The following WWOX variants were observed in gnomAD, a reference collection of about 807,000 sequenced individuals.
WWOX encodes WW domain-containing oxidoreductase.
A neutral mutation model predicts 46.2 loss-of-function variants in WWOX; 69 were observed. That is an observed-to-expected ratio of 1.49 (90% CI 1.23 to 1.82). WWOX has a LOEUF of 1.82. Ranked by LOEUF, WWOX falls within the 40% of genes most tolerant of loss-of-function variation. The pLI is 0.00. For missense variants in WWOX, 919 were observed against 542.6 expected (o/e 1.69, Z -6.89); for synonymous variants, 359 against 202.6 (o/e 1.77, Z -6.56).
chr16:78,719,725 A>T (rs1395770259), intron 8 of WWOX, among the ~76,000 whole-genome samples: 1 of 152,226 alleles, frequency 6.6e-6, no homozygotes, highest in Non-Finnish European at 1.5e-5. Context: ...TAATTTACCA[A>T]ATGGAAAATA....
intron 5 of WWOX, among the ~76,000 whole-genome samples, chr16:78,316,411 G>C (rs1389749447): frequency 1.3e-5 from 2 of 152,074 alleles, no homozygotes; most frequent in Non-Finnish European, 2.9e-5. Flanking sequence ...CGTGATCTTG[G>C]CTCACTGCAA....
intron 8 of WWOX, among the ~76,000 whole-genome samples, chr16:78,930,327 G>T (rs1389084860): frequency 7.3e-6 from 1 of 136,954 alleles, no homozygotes; most frequent in Non-Finnish European, 1.6e-5. Flanking sequence ...ACCCAGACTG[G>T]AGTGCAGTGG....
chr16:78,170,006 G>C (rs547574120), intron 5 of WWOX, among the ~76,000 whole-genome samples: 1 of 152,188 alleles, frequency 6.6e-6, no homozygotes, highest in African/African-American at 2.4e-5. Flanking sequence ...GAGAGGGCTG[G>C]TATGGGAAGA....
intron 4 of WWOX, among the ~76,000 whole-genome samples, chr16:78,122,965 TC>T (rs1488319925): frequency 6.6e-6 from 1 of 152,192 alleles, no homozygotes; most frequent in Non-Finnish European, 1.5e-5. Context: ...TTTATTTTTT[TC>T]CACTAGAGGG....
chr16:78,616,828 A>C (rs2548838), intron 8 of WWOX, among the ~76,000 whole-genome samples: 120,854 of 151,978 alleles, frequency 0.8, 48,275 homozygotes, highest in Middle Eastern at 0.84. Flanking sequence ...CCTTCACTCT[A>C]ATGACATAAT....
intron 8 of WWOX, among the ~76,000 whole-genome samples, chr16:78,531,327 A>G (rs146658655): frequency 1.1e-3 from 166 of 152,234 alleles, no homozygotes; most frequent in Non-Finnish European, 1.7e-3. Context: ...GTTTTTCCTT[A>G]GGATGAGAAA....
At chr16:78,858,999 TTTAAAAAA>T (rs1223764415) in intron 8 of WWOX, among the ~76,000 whole-genome samples, 4 of 7,276 alleles carry the variant, frequency 5.5e-4, no homozygotes, top group African/African-American at 2.4e-3. Context: ...AGTTTTGAAA[TTTAAAAAA>T]AAAAAAAAAA....
intron 8 of WWOX, among the ~76,000 whole-genome samples, chr16:78,527,924 A>T (rs1448936833): frequency 6.7e-6 from 1 of 148,368 alleles, no homozygotes; most frequent in Non-Finnish European, 1.5e-5. Context: ...AGCAGTGCCC[A>T]GGTTGGGAAG....
At chr16:78,298,953 CT>C (rs901998000) in intron 5 of WWOX, among the ~76,000 whole-genome samples, 17 of 152,228 alleles carry the variant, frequency 1.1e-4, no homozygotes, top group African/African-American at 4.1e-4. Context: ...TTTTCTTCTT[CT>C]TCCTTTTCCT....
chr16:78,606,982 A>G (rs2045775447), intron 8 of WWOX, among the ~76,000 whole-genome samples: 1 of 151,912 alleles, frequency 6.6e-6, no homozygotes, highest in African/African-American at 2.4e-5. Flanking sequence ...TAATGGGCAG[A>G]CTCTGTTTTT....
At chr16:78,923,451 C>T (rs917964683) in intron 8 of WWOX, among the ~76,000 whole-genome samples, 1 of 152,112 alleles carries the variant, frequency 6.6e-6, no homozygotes, top group African/African-American at 2.4e-5. Flanking sequence ...GCCTACCTTT[C>T]CTAATATCTA....
At chr16:78,664,152 C>A (rs2047278192) in intron 8 of WWOX, among the ~76,000 whole-genome samples, 1 of 152,150 alleles carries the variant, frequency 6.6e-6, no homozygotes, top group South Asian at 2.1e-4. Flanking sequence ...AAGAGAGCAA[C>A]TAAGGTGACC....
chr16:78,826,984 C>T (rs1450976856), intron 8 of WWOX, among the ~76,000 whole-genome samples: 1 of 152,152 alleles, frequency 6.6e-6, no homozygotes, highest in Non-Finnish European at 1.5e-5. Flanking sequence ...GAGGACTAAC[C>T]AGCCGGGTTT....
chr16:78,826,098 G>A, intron 8 of WWOX: 1 of 332,296 alleles, frequency 3.0e-6, no homozygotes, highest in East Asian at 5.5e-5. Flanking sequence ...GGGAATGCCT[G>A]TAATCCCAGC....
At chr16:79,125,026 C>G (rs1183655505) in intron 8 of WWOX, among the ~76,000 whole-genome samples, 2 of 149,284 alleles carry the variant, frequency 1.3e-5, no homozygotes, top group East Asian at 3.9e-4. Flanking sequence ...GCCTGTCTGA[C>G]TCTGAAACCT....
chr16:78,999,249 T>A (rs1035892731), intron 8 of WWOX, among the ~76,000 whole-genome samples: 2 of 151,712 alleles, frequency 1.3e-5, no homozygotes, highest in African/African-American at 4.8e-5. Flanking sequence ...TGCAGGCGGA[T>A]CATCTGAGGT....
At chr16:78,587,211 T>TTG (rs1567663083) in intron 8 of WWOX, among the ~76,000 whole-genome samples, 2 of 138,466 alleles carry the variant, frequency 1.4e-5, no homozygotes, top group Non-Finnish European at 3.0e-5. Flanking sequence ...TTTTTTTTTT[T>TTG]TTTTTGTAGA....
intron 5 of WWOX, among the ~76,000 whole-genome samples, chr16:78,375,790 A>G (rs907060087): frequency 1.3e-5 from 2 of 152,228 alleles, no homozygotes; most frequent in Non-Finnish European, 2.9e-5. Context: ...AAACAAAACA[A>G]AACAAAATTG....
chr16:78,411,304 G>A (rs962388112), intron 6 of WWOX, among the ~76,000 whole-genome samples: 16 of 152,080 alleles, frequency 1.1e-4, no homozygotes, highest in African/African-American at 3.4e-4. Flanking sequence ...TTTTAATGTT[G>A]AGTAATATGC....
Sources: allele counts gnomAD v4.1 joint callset (sites outside exome capture counted in the v4.1 genomes callset), GRCh38; gene constraint gnomAD v4.1.1; transcripts MANE v1.5; gene names NCBI Gene and HGNC (gene_info 2026-07-23, HGNC 2026-07-21).